Variants in STARD13 observed in about 807,000 individuals in gnomAD.
STARD13 encodes stAR-related lipid transfer protein 13.
A neutral mutation model predicts 106.4 loss-of-function variants in STARD13; 62 were observed. That is an observed-to-expected ratio of 0.58 (90% confidence interval 0.48 to 0.72). The LOEUF (loss-of-function observed/expected upper bound fraction) is 0.72, where lower values mean the gene tolerates loss of function less well. STARD13 is among the 30% of genes least tolerant of loss of function. The probability of loss-of-function intolerance (pLI) is 0.00; values close to 1 mark genes in which losing one functional copy is unlikely to be tolerated. For missense variants in STARD13, 1,387 were observed against 1,424.0 expected (o/e 0.97, Z 0.42); for synonymous variants, 565 against 553.0 (o/e 1.02, Z -0.31).
the STARD13 span, among the ~76,000 whole-genome samples, chr13:33,389,800 C>T: frequency 1.9e-4 from 29 of 152,106 alleles, no homozygotes; most frequent in African/African-American, 4.6e-4. Flanking sequence ...CATTTATCTT[C>T]GTTTATTATG....
the STARD13 span, among the ~76,000 whole-genome samples, chr13:33,419,573 C>T: frequency 6.6e-6 from 1 of 152,164 alleles, no homozygotes; most frequent in East Asian, 1.9e-4. Flanking sequence ...CCTAGCAAGG[C>T]AGGCCAACAT....
At chr13:33,473,829 T>G in the STARD13 span, among the ~76,000 whole-genome samples, 20 of 152,118 alleles carry the variant, frequency 1.3e-4, no homozygotes, top group Non-Finnish European at 2.5e-4. Context: ...ATCAAATGGG[T>G]GAGGTTCTTT....
rs531304542 is a variant in STARD13, at chr13:33,104,488, C to A, written c.*1105G>T. 2 of 152,512 alleles carry A rather than the reference C, an allele frequency of 1.3e-5. No homozygotes were observed. Among genetic ancestry groups the A allele is most frequent in the Non-Finnish European group, 1.5e-5 (1 of 68,022 alleles). 9.4% of individuals were successfully genotyped at this position (152,512 alleles called of 1,614,324 possible). ...CATTTTAAGAGTATCCTACACATAA[C>A]AAAATATGAATTCCCTGAAGCTGTA... On this transcript the variant is annotated 3_prime_UTR_variant, in exon 14 of 14. Transcript: ENST00000336934.
At chr13:33,171,434 T>C (rs1237364803) in intron 1 of STARD13, among the ~76,000 whole-genome samples, 1 of 152,268 alleles carries the variant, frequency 6.6e-6, no homozygotes, top group East Asian at 1.9e-4. Context: ...GTAACTATTC[T>C]ATGTAATAAT....
chr13:33,532,958 G>T, the STARD13 span, among the ~76,000 whole-genome samples: 1 of 151,500 alleles, frequency 6.6e-6, no homozygotes, highest in South Asian at 2.1e-4. Context: ...CAAAGGGGCT[G>T]GGACAATGGG....
At chr13:33,184,711 G>A (rs1885579635) in intron 1 of STARD13, among the ~76,000 whole-genome samples, 1 of 152,162 alleles carries the variant, frequency 6.6e-6, no homozygotes, top group African/African-American at 2.4e-5. Flanking sequence ...TGCAATCCTG[G>A]TCTCTGTCAC....
chr13:33,161,896 G>T (rs74352768), intron 3 of STARD13, among the ~76,000 whole-genome samples: 20,335 of 152,046 alleles, frequency 0.13, 1,716 homozygotes, highest in East Asian at 0.27. Flanking sequence ...TGCAAAAGCG[G>T]AAACCCCTGA....
intron 3 of STARD13, among the ~76,000 whole-genome samples, chr13:33,149,301 G>A (rs1000322672): frequency 1.3e-5 from 2 of 152,112 alleles, no homozygotes; most frequent in African/African-American, 4.8e-5. Context: ...TGCCTGTGTG[G>A]GAACAGGCTA....
At chr13:33,489,443 G>A in the STARD13 span, among the ~76,000 whole-genome samples, 1 of 152,142 alleles carries the variant, frequency 6.6e-6, no homozygotes, top group Non-Finnish European at 1.5e-5. Flanking sequence ...TATAATAAAA[G>A]CTAAGAAGCC....
At chr13:33,270,117 T>A (rs1891086580) in intron 1 of STARD13, among the ~76,000 whole-genome samples, 1 of 152,120 alleles carries the variant, frequency 6.6e-6, no homozygotes, top group Non-Finnish European at 1.5e-5. Context: ...GTGCCTGTAA[T>A]CCCAGCTACT....
intron 1 of STARD13, among the ~76,000 whole-genome samples, chr13:33,209,457 C>CT (rs1479939760): frequency 5.7e-5 from 7 of 123,100 alleles, no homozygotes; most frequent in African/African-American, 1.6e-4. Flanking sequence ...CTCTCTCTCT[C>CT]TCTTTTTTTT....
chr13:33,268,727 G>T (rs1027580699), intron 1 of STARD13, among the ~76,000 whole-genome samples: 4 of 152,208 alleles, frequency 2.6e-5, no homozygotes, highest in Non-Finnish European at 5.9e-5. Context: ...AAAATGTACA[G>T]CTTCTCAGAG....
At chr13:33,600,730 T>A in the STARD13 span, among the ~76,000 whole-genome samples, 1 of 152,254 alleles carries the variant, frequency 6.6e-6, no homozygotes, top group Non-Finnish European at 1.5e-5. Context: ...ATAAAAATTA[T>A]AAATCAGCTT....
At position 33,126,066 on chromosome 13, in the gene STARD13, G is replaced by A. The variant is rs767776350; in HGVS notation, c.2082+15C>T. 19 of 1,612,038 alleles carry A rather than the reference G, an allele frequency of 1.2e-5. No homozygotes were observed. In the Admixed American group the frequency reaches 1.8e-4, roughly 16 times the overall value. Reference sequence around the variant, plus strand: ...TGGGGGTGGTGGGGCAGCAGCGGGGGGGTTACAGCCCTACCTGATCGAGGC... The same window carrying A: ...TGGGGGTGGTGGGGCAGCAGCGGGGAGGTTACAGCCCTACCTGATCGAGGC... On this transcript the variant is annotated intron_variant, in intron 7 of 13. Coordinates refer to ENST00000336934, the MANE Select transcript of STARD13 (RefSeq NM_178006.4).
intron 1 of STARD13, among the ~76,000 whole-genome samples, chr13:33,279,192 T>C (rs953647582): frequency 3.9e-5 from 6 of 152,170 alleles, no homozygotes; most frequent in Non-Finnish European, 8.8e-5. Context: ...TATGTCCCTT[T>C]ATATAAGAGT....
the STARD13 span, among the ~76,000 whole-genome samples, chr13:33,517,144 T>C: frequency 2.6e-5 from 4 of 152,108 alleles, no homozygotes; most frequent in Non-Finnish European, 5.9e-5. Flanking sequence ...CTCAGTTTGA[T>C]GGGCAATGCT....
chr13:33,165,411 T>C lies in STARD13; in HGVS notation c.249A>G (p.Gln83=), dbSNP rs960687558. The C allele has an allele frequency of 1.9e-6, 3 of 1,613,474 alleles. No individual in the cohort carries two copies. In the Admixed American group the frequency reaches 5.0e-5, roughly 27 times the overall value. Residue 83 remains glutamine (Q), a synonymous_variant, in exon 3 of 14, where the codon CAA becomes CAG. Coordinates refer to ENST00000336934, the MANE Select transcript of STARD13 (RefSeq NM_178006.4). ...PQYAQLYEDS[Q]FPINIVAVKN... ...TGACAGCCACAATGTTGATGGGAAATTGTGAATCTGAGAGAGAAAGACAAA... is the reference window on the plus strand; with the variant it reads ...TGACAGCCACAATGTTGATGGGAAACTGTGAATCTGAGAGAGAAAGACAAA...
exon 2 of STARD13, chr13:33,349,212 T>G (rs1181340574): frequency 4.3e-6 from 3 of 702,374 alleles, no homozygotes; most frequent in Non-Finnish European, 5.2e-6. Flanking sequence ...GCTCAAGAGA[T>G]AGTCCTGGAG....
the STARD13 span, among the ~76,000 whole-genome samples, chr13:33,675,354 G>C: frequency 6.6e-6 from 1 of 152,176 alleles, no homozygotes; most frequent in East Asian, 1.9e-4. Context: ...CCTAAAGTCA[G>C]GTGAAGCAGC....
Sources: gnomAD v4.1 joint callset for allele counts (sites outside exome capture counted in the v4.1 genomes callset) on GRCh38, gnomAD v4.1.1 for gene constraint, MANE v1.5 for transcripts, NCBI Gene and HGNC (gene_info 2026-07-23, HGNC 2026-07-21) for gene names.